The following SULF1 variants were observed in gnomAD, a reference collection of about 807,000 sequenced individuals.
SULF1 encodes extracellular sulfatase Sulf-1.
Under a neutral mutation model 110.5 loss-of-function variants are expected in SULF1, and 46 were observed. The observed-to-expected ratio is 0.42, with a 90% CI of 0.33 to 0.53. The LOEUF (loss-of-function observed/expected upper bound fraction) is 0.53. Among genes scored for constraint, SULF1 ranks in the 20% least tolerant of loss-of-function variants. The pLI is 0.12. For synonymous variants in SULF1, 371 were observed against 387.1 expected (o/e 0.96, Z 0.49); for missense variants, 941 against 1,094.2 (o/e 0.86, Z 1.98).
At chr8:69,485,485 G>C (rs896574341) in intron 1 of SULF1, among the ~76,000 whole-genome samples, 2 of 152,182 alleles carry the variant, frequency 1.3e-5, no homozygotes, top group Admixed American at 6.5e-5. Context: ...TCCCTTGGCT[G>C]TCTGTCACCC....
At chr8:69,469,863 G>C (rs1040702799) in intron 1 of SULF1, among the ~76,000 whole-genome samples, 17 of 152,300 alleles carry the variant, frequency 1.1e-4, no homozygotes, top group Middle Eastern at 3.4e-3. Context: ...CCAACATGGT[G>C]AAACCCCAAG....
At chr8:69,490,573 G>C (rs962891329), upstream of SULF1, among the ~76,000 whole-genome samples, 1 of 152,010 alleles carries the variant, frequency 6.6e-6, no homozygotes, top group Non-Finnish European at 1.5e-5. Context: ...CCTCACATTC[G>C]TCCCCTTCCC....
At chr8:69,654,314 G>A (rs903116987) in intron 22 of SULF1, among the ~76,000 whole-genome samples, 5 of 152,066 alleles carry the variant, frequency 3.3e-5, no homozygotes, top group African/African-American at 9.7e-5. Context: ...CTAGGCTTCA[G>A]GCAGCAATAC....
At chr8:69,599,225 A>T (rs747264801) in intron 8 of SULF1, among the ~76,000 whole-genome samples, 1 of 152,204 alleles carries the variant, frequency 6.6e-6, no homozygotes, top group Non-Finnish European at 1.5e-5. Flanking sequence ...ATGGGGTCAC[A>T]TTCAGCCGTC....
At chr8:69,496,675 C>A (rs1327991255) in intron 2 of SULF1, among the ~76,000 whole-genome samples, 1 of 152,170 alleles carries the variant, frequency 6.6e-6, no homozygotes, top group African/African-American at 2.4e-5. Flanking sequence ...GCTGGTCATT[C>A]CACATTTAGG....
intron 3 of SULF1, among the ~76,000 whole-genome samples, chr8:69,559,589 C>A (rs1027936353): frequency 4.6e-5 from 7 of 152,146 alleles, no homozygotes; most frequent in Non-Finnish European, 7.4e-5. Flanking sequence ...AGGCTCATTT[C>A]ATTCATTATT....
At chr8:69,605,085 C>A (rs1285160732) in intron 13 of SULF1, among the ~76,000 whole-genome samples, 153 bp downstream of exon 13, 1 of 152,208 alleles carries the variant, frequency 6.6e-6, no homozygotes, top group Admixed American at 6.5e-5. Flanking sequence ...TCTCCGCGGA[C>A]AGAATTACGT....
chr8:69,567,896 T>G (rs905206722), intron 5 of SULF1, among the ~76,000 whole-genome samples: 1 of 152,184 alleles, frequency 6.6e-6, no homozygotes, highest in Non-Finnish European at 1.5e-5. Context: ...ATTTTTATTA[T>G]TTTGAGGAAC....
At chr8:69,613,470 A>G (rs984689263) in intron 13 of SULF1, among the ~76,000 whole-genome samples, 2 of 152,142 alleles carry the variant, frequency 1.3e-5, no homozygotes, top group South Asian at 2.1e-4. Flanking sequence ...AGAAATTATA[A>G]TGATTACTTA....
intron 13 of SULF1, among the ~76,000 whole-genome samples, chr8:69,607,385 G>A (rs140006180): frequency 1.1e-3 from 175 of 152,232 alleles, no homozygotes; most frequent in African/African-American, 3.7e-3. Context: ...TTTTCTTTGG[G>A]ACAGGGTTTT....
intron 19 of SULF1, among the ~76,000 whole-genome samples, chr8:69,633,441 G>T (rs1033178615): frequency 1.3e-5 from 2 of 149,548 alleles, no homozygotes; most frequent in African/African-American, 4.9e-5. Context: ...TGATTCTCTT[G>T]CCTCAGCCTC....
At chr8:69,574,581 G>T (rs1194774393) in intron 5 of SULF1, among the ~76,000 whole-genome samples, 1 of 152,182 alleles carries the variant, frequency 6.6e-6, no homozygotes, top group Non-Finnish European at 1.5e-5. Flanking sequence ...TTCTATGTAG[G>T]TTCTCCTCTA....
intron 13 of SULF1, among the ~76,000 whole-genome samples, chr8:69,606,823 G>A (rs1044076026): frequency 1.3e-5 from 2 of 152,066 alleles, no homozygotes; most frequent in Non-Finnish European, 1.5e-5. Flanking sequence ...GTTTCATTTC[G>A]CTGTGAATCA....
intron 2 of SULF1, among the ~76,000 whole-genome samples, chr8:69,499,618 A>C (rs1338222972): frequency 6.6e-6 from 1 of 152,200 alleles, no homozygotes; most frequent in Non-Finnish European, 1.5e-5. Context: ...GGAAACAAAC[A>C]AACCTTCATA....
chr8:69,494,750 C>G (rs959430743), intron 1 of SULF1, among the ~76,000 whole-genome samples: 1 of 152,096 alleles, frequency 6.6e-6, no homozygotes, highest in African/African-American at 2.4e-5. Context: ...CCTTGTGACA[C>G]ACACCTGTAG....
intron 14 of SULF1, 128 bp from the exon 15 acceptor site, chr8:69,623,814 A>G (rs566018934): frequency 1.2e-5 from 13 of 1,102,740 alleles, no homozygotes; most frequent in African/African-American, 7.9e-5. Context: ...AGGCACCACG[A>G]TGCCACTCAG....
At chr8:69,552,874 G>T (rs1814829921) in intron 3 of SULF1, among the ~76,000 whole-genome samples, 1 of 152,222 alleles carries the variant, frequency 6.6e-6, no homozygotes, top group Non-Finnish European at 1.5e-5. Flanking sequence ...TAAGCATCTA[G>T]AAGAGAGGGG....
intron 15 of SULF1, 91 bp downstream of exon 15, chr8:69,624,288 C>T: frequency 6.9e-7 from 1 of 1,440,552 alleles, no homozygotes; most frequent in Non-Finnish European, 9.3e-7. Flanking sequence ...GGCAAAAAAG[C>T]AGTATCACTT....
intron 3 of SULF1, among the ~76,000 whole-genome samples, chr8:69,528,599 AATC>A: frequency 6.6e-6 from 1 of 152,336 alleles, no homozygotes; most frequent in African/African-American, 2.4e-5. Context: ...CGCTTTTATA[AATC>A]CAACTTTTGG....
Sources: allele counts gnomAD v4.1 joint callset (sites outside exome capture counted in the v4.1 genomes callset), GRCh38; gene constraint gnomAD v4.1.1; transcripts MANE v1.5; gene names NCBI Gene and HGNC (gene_info 2026-07-23, HGNC 2026-07-21).